TOPBP1: variants seen among roughly 807,000 people sequenced by gnomAD.
TOPBP1 encodes DNA topoisomerase 2-binding protein 1.
Under a neutral mutation model 167.7 loss-of-function variants are expected in TOPBP1, and 28 were observed. The ratio of observed to expected loss-of-function variants is 0.17; its 90% CI spans 0.12 to 0.23. The LOEUF is 0.23. Among genes scored for constraint, TOPBP1 ranks in the 10% least tolerant of loss-of-function variants. TOPBP1 has a pLI of 1.00. For missense variants in TOPBP1, 1,554 were observed against 1,809.6 expected, an observed-to-expected ratio of 0.86 and a Z score of 2.56; for synonymous variants, 598 against 611.4, an observed-to-expected ratio of 0.98 and a Z score of 0.32.
At chr3:133,631,308 A>G (rs1195141937) in intron 14 of TOPBP1, among the ~76,000 whole-genome samples, 3 of 152,256 alleles carry the variant, frequency 2.0e-5, no homozygotes, top group African/African-American at 4.8e-5. Flanking sequence ...CCTTTATTAC[A>G]TAATAAATTC....
At position 133,649,928 on chromosome 3, in the gene TOPBP1, A is replaced by G; in HGVS notation, c.1105T>C (p.Phe369Leu). The change falls in exon 9 of 28, where the codon TTT becomes CTT. Residue 369 changes from phenylalanine to leucine, a missense_variant. By Grantham distance (22) the Phe-to-Leu change is conservative. Transcript: ENST00000260810. Reference sequence around the variant, plus strand: ...AGTTTATCTAGCTTTCTGCCACTAAAACCGCAAAGATATATCTGCAAGAAA... The same window carrying G: ...AGTTTATCTAGCTTTCTGCCACTAAGACCGCAAAGATATATCTGCAAGAAA... Reference protein sequence around the residue: ...LDGCRIYLCGFSGRKLDKLRR... With the variant: ...LDGCRIYLCGLSGRKLDKLRR... 1 of 1,596,624 alleles carries G rather than the reference A, an allele frequency of 6.3e-7. No homozygotes were observed. The highest frequency in any genetic ancestry group is 8.5e-7 in the Non-Finnish European group (1 of 1,174,358).
chr3:133,649,730 T>C, intron 9 of TOPBP1, 50 bp downstream of exon 9: 2 of 1,581,444 alleles, frequency 1.3e-6, no homozygotes, highest in Non-Finnish European at 8.6e-7. Flanking sequence ...TATGCAATTT[T>C]AAGAAAAATT....
intron 27 of TOPBP1, among the ~76,000 whole-genome samples, chr3:133,605,280 A>T (rs1934451894): frequency 1.3e-5 from 2 of 151,892 alleles, no homozygotes; most frequent in African/African-American, 4.8e-5. Flanking sequence ...CGAGAAAATC[A>T]AGGGAGAACT....
In TOPBP1 at chr3:133,656,787, T is replaced by A. The variant is rs1165472070; in HGVS notation, c.434A>T (p.His145Leu). The A allele has an allele frequency of 5.0e-6, 8 of 1,613,088 alleles. No individual in the cohort carries two copies. The highest frequency in any genetic ancestry group is 6.8e-6 in the Non-Finnish European group (8 of 1,179,636). ...VYRDLNVSVT[H>L]LIAGEVGSKK... ...GCTACCAACTTCTCCTGCAATAAGGTGAGTTACTGATACATTAAGGTCTCT... is the reference window on the plus strand; with the variant it reads ...GCTACCAACTTCTCCTGCAATAAGGAGAGTTACTGATACATTAAGGTCTCT... Residue 145 changes from histidine to leucine, a missense_variant, in exon 5 of 28, where the codon CAC (histidine) becomes CTC (leucine). Physicochemically the swap from His to Leu is moderately conservative, Grantham distance 99 (BLOSUM62 -3). Transcript: ENST00000260810.
intron 14 of TOPBP1, among the ~76,000 whole-genome samples, chr3:133,631,176 G>A (rs936680516): frequency 6.6e-6 from 1 of 152,172 alleles, no homozygotes; most frequent in African/African-American, 2.4e-5. Flanking sequence ...GTGATAAAGT[G>A]AGATCCTATT....
intron 14 of TOPBP1, among the ~76,000 whole-genome samples, chr3:133,630,139 C>A (rs907231819): frequency 6.6e-6 from 1 of 152,040 alleles, no homozygotes; most frequent in East Asian, 1.9e-4. Context: ...CTATCCTTTG[C>A]CCATTTTTCT....
chr3:133,660,517 A>G (rs1186385229), intron 2 of TOPBP1, among the ~76,000 whole-genome samples: 1 of 152,224 alleles, frequency 6.6e-6, no homozygotes, highest in African/African-American at 2.4e-5. Context: ...TTTAATGCAC[A>G]CTGAAGATCT....
intron 14 of TOPBP1, 117 bp from the exon 15 acceptor site, chr3:133,628,850 G>T: frequency 1.0e-6 from 1 of 998,476 alleles, no homozygotes; most frequent in Non-Finnish European, 1.4e-6. Context: ...AGAGAGAAGG[G>T]GGAGAATCCT....
intron 25 of TOPBP1, among the ~76,000 whole-genome samples, chr3:133,609,635 A>T (rs2107770907): frequency 6.6e-6 from 1 of 152,070 alleles, no homozygotes; most frequent in Non-Finnish European, 1.5e-5. Context: ...TTCTCAGGAG[A>T]TCTGATGGTT....
chr3:133,620,211 G>A lies in TOPBP1; in HGVS notation c.3315C>T (p.Thr1105=). The part of the protein sequence containing the change: ...SRSGCNSASS[T]PDSTRSARSG... ...TGCGAGCAGAGCGAGTGCTGTCAGG[G>A]GTTGAAGATGCGCTGTTACAACCAC... is the stretch of plus-strand genomic sequence containing the variant. The change falls in exon 20 of 28, where the codon ACC becomes ACT. Residue 1105 remains threonine (T), a synonymous_variant. Transcript: ENST00000260810. The A allele has an allele frequency of 1.2e-6, 2 of 1,613,864 alleles. No individual in the cohort carries two copies. Among genetic ancestry groups the A allele is most frequent in the Non-Finnish European group, 1.7e-6 (2 of 1,179,852 alleles).
chr3:133,628,495 C>A, intron 15 of TOPBP1, 24 bp from the exon 16 acceptor site: 1 of 1,605,994 alleles, frequency 6.2e-7, no homozygotes, highest in South Asian at 1.1e-5. Flanking sequence ...ATAAAAGAAA[C>A]AGATCAGTCA....
chr3:133,645,644 CAGT>C (rs748417457), intron 10 of TOPBP1, among the ~76,000 whole-genome samples: 7 of 152,022 alleles, frequency 4.6e-5, no homozygotes, highest in Non-Finnish European at 8.8e-5. Context: ...GGAAGAAATC[CAGT>C]AGAATTTTAG....
chr3:133,635,383 T>C (rs1415366501), intron 14 of TOPBP1, among the ~76,000 whole-genome samples: 1 of 152,130 alleles, frequency 6.6e-6, no homozygotes, highest in Non-Finnish European at 1.5e-5. Context: ...CCTCCTGAGT[T>C]CTAGGACTAT....
chr3:133,614,992 AT>A (rs1311448269), intron 23 of TOPBP1, among the ~76,000 whole-genome samples: 2 of 151,874 alleles, frequency 1.3e-5, no homozygotes, highest in Admixed American at 1.3e-4. Context: ...TAATAAAAAA[AT>A]AAAAAAAAAT....
chr3:133,601,202 T>C lies in TOPBP1; in HGVS notation c.*48A>G. 1 of 1,527,354 alleles carries C rather than the reference T, an allele frequency of 6.5e-7. No individual in the cohort carries two copies. Among genetic ancestry groups the C allele is most frequent in the South Asian group, 1.2e-5 (1 of 80,100 alleles). The allele number at this position is 1,527,354 out of a possible 1,614,324, so 94.6% of individuals were successfully genotyped here. ...ATCTATCACAGTCACATTCAGGCTT[T>C]CAATTTTTAAAAACATTTAATGTTT... On this transcript the variant is annotated 3_prime_UTR_variant, in exon 28 of 28. Coordinates refer to ENST00000260810, the MANE Select transcript of TOPBP1 (RefSeq NM_007027.4).
intron 16 of TOPBP1, among the ~76,000 whole-genome samples, chr3:133,626,958 C>G (rs1935289856): frequency 6.6e-6 from 1 of 152,108 alleles, no homozygotes; most frequent in African/African-American, 2.4e-5. Flanking sequence ...TGTCTGAAGA[C>G]AGAAGACAGT....
In TOPBP1 at chr3:133,637,945, C is replaced by T. The variant is rs746033534; in HGVS notation, c.2451G>A (p.Ser817=). 5.8e-5 allele frequency: 94 copies of T among 1,613,820 alleles called. 1 individual carries two copies. The highest frequency in any genetic ancestry group is 5.5e-4 in the South Asian group (50 of 91,082). ...ATTTTGATGGTGTATCCAGGTGTAACGAGGGCTCCTTCTGAAGTGGTTGTC... is the reference window on the plus strand; with the variant it reads ...ATTTTGATGGTGTATCCAGGTGTAATGAGGGCTCCTTCTGAAGTGGTTGTC... ...AVGQPLQKEP[S]LHLDTPSKFL... The change falls in exon 14 of 28, where the codon TCG becomes TCA. Residue 817 remains serine (S), a synonymous_variant. Transcript: ENST00000260810.
intron 20 of TOPBP1, among the ~76,000 whole-genome samples, 200 bp from the exon 21 acceptor site, chr3:133,618,633 T>C (rs186543845): frequency 6.6e-5 from 10 of 152,254 alleles, no homozygotes; most frequent in Admixed American, 5.2e-4. Flanking sequence ...CCAGAAAAGT[T>C]ATCTGTTTTA....
At chr3:133,612,653 C>T (rs920999314) in intron 23 of TOPBP1, 101 bp from the exon 24 acceptor site, 3 of 1,172,884 alleles carry the variant, frequency 2.6e-6, no homozygotes, top group Non-Finnish European at 3.4e-6. Context: ...AAATAAAATG[C>T]CCCAAACCAT....
Sources: gnomAD v4.1 joint callset for allele counts (sites outside exome capture counted in the v4.1 genomes callset) on GRCh38, gnomAD v4.1.1 for gene constraint, MANE v1.5 for transcripts, NCBI Gene and HGNC (gene_info 2026-07-23, HGNC 2026-07-21) for gene names.